FSD2: variants seen among roughly 807,000 people sequenced by gnomAD.
FSD2 encodes the protein fibronectin type III and SPRY domain containing 2, also known as fibronectin type III and SPRY domain-containing protein 2.
FSD2 carries 71 observed loss-of-function variants against 80.4 expected under a neutral mutation model. The observed-to-expected ratio is 0.88, with a 90% CI of 0.73 to 1.08. The LOEUF (loss-of-function observed/expected upper bound fraction) is 1.08. FSD2 is among the 50% of genes least tolerant of loss of function. FSD2 has a pLI of 0.00. For synonymous variants in FSD2, 361 were observed against 329.5 expected, an observed-to-expected ratio of 1.10 and a Z score of -1.03; for missense variants, 923 against 913.8, an observed-to-expected ratio of 1.01 and a Z score of -0.13.
chr15:82,771,194 C>A (rs1193217389), intron 7 of FSD2, among the ~76,000 whole-genome samples: 1 of 152,236 alleles, frequency 6.6e-6, no homozygotes, highest in Non-Finnish European at 1.5e-5. Context: ...GAACTTGAGG[C>A]AGGACGCCTA....
intron 4 of FSD2, 135 bp downstream of exon 4, chr15:82,782,659 TG>T: frequency 1.4e-6 from 1 of 709,636 alleles, no homozygotes; most frequent in South Asian, 1.8e-5. Flanking sequence ...AAATGGATGC[TG>T]GCCATAAAAG....
chr15:82,770,029 T>G, intron 7 of FSD2, 145 bp from the exon 8 acceptor site: 1 of 855,016 alleles, frequency 1.2e-6, no homozygotes, highest in Non-Finnish European at 1.8e-6. Flanking sequence ...AGCATGACTT[T>G]GCTGCTCCTT....
chr15:82,762,414 T>A, intron 11 of FSD2, 136 bp from the exon 12 acceptor site: 1 of 693,028 alleles, frequency 1.4e-6, no homozygotes. Flanking sequence ...ACACTTAACT[T>A]GTAAAGTACC....
chr15:82,788,366 T>C (rs2050059427), intron 1 of FSD2, among the ~76,000 whole-genome samples: 1 of 149,394 alleles, frequency 6.7e-6, no homozygotes, highest in Non-Finnish European at 1.5e-5. Flanking sequence ...ATGCCAGGCA[T>C]AGTGGTGTGC....
At chr15:82,790,362 A>G (rs2050111492) in intron 1 of FSD2, among the ~76,000 whole-genome samples, 1 of 152,152 alleles carries the variant, frequency 6.6e-6, no homozygotes, top group South Asian at 2.1e-4. Flanking sequence ...CCAGGGTCAG[A>G]CTTACATCAT....
chr15:82,773,933 G>A (rs889817060), intron 6 of FSD2, among the ~76,000 whole-genome samples: 8 of 152,114 alleles, frequency 5.3e-5, no homozygotes, highest in African/African-American at 1.9e-4. Context: ...CAAAAATACT[G>A]TGCAAGGAAA....
intron 1 of FSD2, among the ~76,000 whole-genome samples, chr15:82,791,135 A>T (rs2050140241): frequency 6.6e-6 from 1 of 151,132 alleles, no homozygotes; most frequent in Non-Finnish European, 1.5e-5. Flanking sequence ...AGTAGCTGGG[A>T]CTACAGGCGC....
At position 82,765,941 on chromosome 15, in the gene FSD2, C is replaced by G; in HGVS notation, c.1644G>C (p.Gly548=). Residue 548 remains glycine, a synonymous_variant, in exon 10 of 13, where the codon GGG becomes GGC. Coordinates refer to ENST00000334574, the MANE Select transcript of FSD2 (RefSeq NM_001007122.4). ...CTGGCTCGCTCCTCACGCTGGGGCC[C>G]CCCATATTGAGGGCTCGCACATAGA... ...YIIYVRALNM[G]GPSVRSEPAT... is the part of the protein sequence containing the mutation. 2 of 1,609,566 alleles carry G rather than the reference C, an allele frequency of 1.2e-6. No homozygotes were observed. Among genetic ancestry groups the G allele is most frequent in the Non-Finnish European group, 1.7e-6 (2 of 1,178,688 alleles).
intron 4 of FSD2, among the ~76,000 whole-genome samples, chr15:82,782,104 T>TAATAATAATAATAATAATAAA (rs749972634): frequency 8.4e-6 from 1 of 118,906 alleles, no homozygotes; most frequent in Non-Finnish European, 1.8e-5. Flanking sequence ...ATAATAATAA[T>TAATAATAATAATAATAATAAA]AAAACTCTTG....
At chr15:82,765,459 C>T (rs1236340904) in intron 10 of FSD2, among the ~76,000 whole-genome samples, 161 bp from the exon 11 acceptor site, 1 of 152,120 alleles carries the variant, frequency 6.6e-6, no homozygotes, top group Non-Finnish European at 1.5e-5. Context: ...ACTCATCGGG[C>T]AGTCTTGTGT....
chr15:82,761,538 T>G lies in FSD2; in HGVS notation c.1997+564A>C, dbSNP rs1364981460. On this transcript the variant is annotated intron_variant, in intron 12 of 12. Transcript: ENST00000334574. ...GAACAGAAATGAAAAATCTATCACT[T>G]AAGTGGTTAGGAATGAAATCTTTGG... 3.9e-5 allele frequency among the ~76,000 whole-genome samples: 6 copies of G among 152,170 alleles called. No homozygotes were observed. The East Asian group carries it at 9.6e-4, about 24-fold the overall frequency.
intron 1 of FSD2, among the ~76,000 whole-genome samples, chr15:82,794,680 A>G (rs956713215): frequency 1.3e-5 from 2 of 150,802 alleles, no homozygotes; most frequent in African/African-American, 2.4e-5. Context: ...AGTTAGGTGC[A>G]TATACATATG....
At chr15:82,800,119 C>A (rs928125292) in intron 1 of FSD2, among the ~76,000 whole-genome samples, 4 of 152,130 alleles carry the variant, frequency 2.6e-5, no homozygotes, top group Admixed American at 6.5e-5. Context: ...CTCTGCCCTG[C>A]GTCCTCAGAG....
intron 5 of FSD2, 34 bp from the exon 6 acceptor site, chr15:82,778,921 G>A (rs946008936): frequency 6.2e-7 from 1 of 1,610,732 alleles, no homozygotes; most frequent in African/African-American, 1.3e-5. Context: ...GACTAGAATG[G>A]AGGGGCATTC....
chr15:82,796,357 TC>T (rs1439905552), intron 1 of FSD2: 1 of 153,718 alleles, frequency 6.5e-6, no homozygotes, highest in African/African-American at 2.4e-5. Flanking sequence ...CCAGAGCTGG[TC>T]CCCAGTGGCT....
intron 10 of FSD2, among the ~76,000 whole-genome samples, 169 bp downstream of exon 10, chr15:82,765,729 A>T (rs1328741750): frequency 6.6e-6 from 1 of 152,144 alleles, no homozygotes; most frequent in Non-Finnish European, 1.5e-5. Context: ...GATCCATTTG[A>T]CTTGCAATTA....
At chr15:82,779,781 C>T (rs778052550) in intron 5 of FSD2, among the ~76,000 whole-genome samples, 4 of 151,634 alleles carry the variant, frequency 2.6e-5, no homozygotes, top group Non-Finnish European at 5.9e-5. Flanking sequence ...TTATTTGATT[C>T]TCACAAAGCT....
intron 6 of FSD2, among the ~76,000 whole-genome samples, chr15:82,772,908 C>T (rs1053935165): frequency 4.6e-5 from 7 of 152,180 alleles, no homozygotes; most frequent in South Asian, 4.2e-4. Context: ...AGTGCAGTGA[C>T]GTAATCTCGG....
chr15:82,803,797 C>A (rs2050467914), intron 1 of FSD2, among the ~76,000 whole-genome samples: 1 of 152,160 alleles, frequency 6.6e-6, no homozygotes. Flanking sequence ...CCTGTCCCCT[C>A]TCCCTGCTCC....
Sources: gnomAD v4.1 joint callset for allele counts (sites outside exome capture counted in the v4.1 genomes callset) on GRCh38, gnomAD v4.1.1 for gene constraint, MANE v1.5 for transcripts, NCBI Gene and HGNC (gene_info 2026-07-23, HGNC 2026-07-21) for gene names.